EXOG: variants seen among roughly 807,000 people sequenced by gnomAD.
EXOG encodes exo/endonuclease G.
Under a neutral mutation model 25.8 loss-of-function variants are expected in EXOG, and 27 were observed. The observed-to-expected ratio is 1.05, with a 90% confidence interval of 0.77 to 1.45. EXOG has a LOEUF of 1.45. EXOG is among the 40% of genes most tolerant of loss of function. The pLI, the probability that EXOG is intolerant of heterozygous loss-of-function variation, is 0.00. For synonymous variants in EXOG, 133 were observed against 167.0 expected (o/e 0.80, Z 1.57); for missense variants, 458 against 450.5 (o/e 1.02, Z -0.15).
intron 5 of EXOG, chr3:38,523,438 A>G (rs2060783701): frequency 2.2e-6 from 1 of 446,792 alleles, no homozygotes; most frequent in Non-Finnish European, 3.0e-6. Flanking sequence ...ATCTCGGCTC[A>G]CTGCACCCTC....
chr3:38,516,832 G>T (rs1559694747), intron 5 of EXOG, among the ~76,000 whole-genome samples: 1 of 152,126 alleles, frequency 6.6e-6, no homozygotes, highest in Admixed American at 6.5e-5. Flanking sequence ...GTACGGGCCA[G>T]TTGTTTTACA....
At chr3:38,499,710 C>T in intron 2 of EXOG, 1 of 454,200 alleles carries the variant, frequency 2.2e-6, no homozygotes, top group South Asian at 1.6e-5. Context: ...GTTCAAGTGA[C>T]CCTCCTGCCT....
At chr3:38,504,432 T>G (rs528229866) in intron 4 of EXOG, among the ~76,000 whole-genome samples, 1 of 152,198 alleles carries the variant, frequency 6.6e-6, no homozygotes, top group African/African-American at 2.4e-5. Flanking sequence ...AACCAGTTTT[T>G]TTGTTTGTTT....
intron 1 of EXOG, 200 bp downstream of exon 1, chr3:38,496,730 C>G (rs1321236149): frequency 6.9e-7 from 1 of 1,450,614 alleles, no homozygotes; most frequent in Admixed American, 2.5e-5. Flanking sequence ...TCATGTCCTT[C>G]CTTCCCCCGG....
Position 38,525,064 on chromosome 3 carries a change from C to T in EXOG, c.*702C>T. 1 of 985,108 alleles carries T rather than the reference C, an allele frequency of 1.0e-6. No individual in the cohort carries two copies. The highest frequency in any genetic ancestry group is 4.7e-5 in the South Asian group (1 of 21,278). 61.0% of individuals were successfully genotyped at this position (985,108 alleles called of 1,614,324 possible). On this transcript the variant is annotated 3_prime_UTR_variant, in exon 6 of 6. Coordinates refer to ENST00000287675, the MANE Select transcript of EXOG (RefSeq NM_005107.4). The stretch of plus-strand genomic sequence containing the variant: ...CATGAATCTGCTCGTTTCTCTACTT[C>T]TGTCTACGTAGAAGCACTCAGCAAC...
chr3:38,510,748 A>G (rs901216714), intron 5 of EXOG, among the ~76,000 whole-genome samples: 3 of 151,480 alleles, frequency 2.0e-5, no homozygotes, highest in African/African-American at 4.8e-5. Context: ...TATCAGTGAA[A>G]TGATACTCAA....
chr3:38,504,460 A>G (rs2125761729), intron 4 of EXOG, among the ~76,000 whole-genome samples: 1 of 152,120 alleles, frequency 6.6e-6, no homozygotes, highest in Admixed American at 6.5e-5. Flanking sequence ...TTTTGAGACA[A>G]AGTCTCACAC....
intron 5 of EXOG, among the ~76,000 whole-genome samples, chr3:38,510,588 T>A (rs1344276343): frequency 6.6e-6 from 1 of 151,926 alleles, no homozygotes. Context: ...TGTTAACAAT[T>A]GGTAAATCTG....
chr3:38,518,325 T>C (rs753924869), intron 5 of EXOG, among the ~76,000 whole-genome samples: 2 of 152,224 alleles, frequency 1.3e-5, no homozygotes, highest in African/African-American at 2.4e-5. Flanking sequence ...AACTTCAAGA[T>C]AATTTTCTAG....
At chr3:38,498,829 G>A (rs1488907279) in intron 2 of EXOG, 3 of 424,678 alleles carry the variant, frequency 7.1e-6, no homozygotes, top group African/African-American at 4.0e-5. Flanking sequence ...TGCTGGAGAA[G>A]TAAGCAGGTG....
chr3:38,523,329 C>A, intron 5 of EXOG: 1 of 1,255,074 alleles, frequency 8.0e-7, no homozygotes, highest in Non-Finnish European at 1.0e-6. Context: ...ACAAACAGAA[C>A]AGAGACTGTG....
intron 5 of EXOG, among the ~76,000 whole-genome samples, chr3:38,521,907 T>C (rs776418724): frequency 2.0e-5 from 3 of 152,158 alleles, no homozygotes; most frequent in Non-Finnish European, 4.4e-5. Flanking sequence ...GACCTCTGAG[T>C]TGCATTGTTG....
intron 5 of EXOG, among the ~76,000 whole-genome samples, chr3:38,513,109 A>AT (rs2060423394): frequency 6.6e-6 from 1 of 152,136 alleles, no homozygotes; most frequent in African/African-American, 2.4e-5. Context: ...ACTGTATGTT[A>AT]TTTTTTAATT....
chr3:38,497,049 T>C (rs2059911617), intron 1 of EXOG: 1 of 993,196 alleles, frequency 1.0e-6, no homozygotes, highest in Non-Finnish European at 1.2e-6. Context: ...TAAAAACTCA[T>C]GTTGCAATGG....
intron 2 of EXOG, 31 bp downstream of exon 2, chr3:38,497,809 C>G: frequency 6.3e-7 from 1 of 1,575,118 alleles, no homozygotes; most frequent in Middle Eastern, 1.7e-4. Context: ...ACTGAAGTAA[C>G]AGTATTTATG....
rs372608773 is a variant in EXOG, at chr3:38,496,547, G to A, written c.163+17G>A. 2.2e-5 allele frequency: 35 copies of A among 1,602,156 alleles called. No homozygotes were observed. Among genetic ancestry groups the A allele is most frequent in the East Asian group, 1.3e-4 (6 of 44,736 alleles). ...AGCCGGATGGTAAGTCTGTGGGCCC[G>A]TCCTCCCTTCGCTGGCCCAGATTTC... On this transcript the variant is annotated intron_variant, in intron 1 of 5. Coordinates refer to ENST00000287675, the MANE Select transcript of EXOG (RefSeq NM_005107.4).
At chr3:38,507,005 A>G (rs1575629136) in intron 5 of EXOG, 37 bp downstream of exon 5, 4 of 881,498 alleles carry the variant, frequency 4.5e-6, no homozygotes, top group Non-Finnish European at 7.4e-6. Context: ...TGTTATCTGT[A>G]TGAGATTATA....
intron 5 of EXOG, among the ~76,000 whole-genome samples, chr3:38,508,279 T>C (rs993007273): frequency 5.3e-5 from 8 of 152,128 alleles, no homozygotes; most frequent in Non-Finnish European, 8.8e-5. Flanking sequence ...GAAAGAGAGA[T>C]TAAAGATAGG....
At chr3:38,516,706 A>G (rs6599209) in intron 5 of EXOG, among the ~76,000 whole-genome samples, 87,055 of 151,870 alleles carry the variant, frequency 0.57, 27,285 homozygotes, top group African/African-American at 0.82. Context: ...TTTCTGATTC[A>G]GTATCCAACC....
Sources: allele counts gnomAD v4.1 joint callset (sites outside exome capture counted in the v4.1 genomes callset), GRCh38; gene constraint gnomAD v4.1.1; transcripts MANE v1.5; gene names NCBI Gene and HGNC (gene_info 2026-07-23, HGNC 2026-07-21).